The following ZC3H12B variants were observed in gnomAD, a reference collection of about 807,000 sequenced individuals.
ZC3H12B encodes the protein zinc finger CCCH-type containing 12B.
ZC3H12B carries 7 observed loss-of-function variants against 43.9 expected under a neutral mutation model. That is an observed-to-expected ratio of 0.16 (90% CI 0.09 to 0.30). The LOEUF is 0.30. Among genes scored for constraint, ZC3H12B ranks in the 10% least tolerant of loss-of-function variants. ZC3H12B has a pLI of 1.00. For missense variants in ZC3H12B, 475 were observed against 670.2 expected (o/e 0.71, Z 3.22); for synonymous variants, 222 against 241.7 (o/e 0.92, Z 0.76).
the ZC3H12B span, among the ~76,000 whole-genome samples, chrX:65,106,708 G>T: frequency 9.0e-6 from 1 of 111,066 alleles, no homozygotes; most frequent in African/African-American, 3.3e-5. Flanking sequence ...AAAAACACAT[G>T]GGAAGGACCA....
the ZC3H12B span, among the ~76,000 whole-genome samples, chrX:65,118,056 G>C: frequency 9.0e-6 from 1 of 111,453 alleles, no homozygotes; most frequent in Admixed American, 9.6e-5. Flanking sequence ...CTCTTTTTTG[G>C]TTCCATATGA....
chrX:65,260,947 A>T, the ZC3H12B span, among the ~76,000 whole-genome samples: 1 of 111,984 alleles, frequency 8.9e-6, no homozygotes, highest in Non-Finnish European at 1.9e-5. Context: ...AATGAATGAG[A>T]TAACTAATGT....
At chrX:65,086,847 A>G in the ZC3H12B span, among the ~76,000 whole-genome samples, 3 of 111,896 alleles carry the variant, frequency 2.7e-5, no homozygotes, top group Non-Finnish European at 5.6e-5. Context: ...TCATTCTTTG[A>G]CAACTCATGC....
chrX:65,276,165 T>C, the ZC3H12B span, among the ~76,000 whole-genome samples: 1 of 111,066 alleles, frequency 9.0e-6, no homozygotes, highest in Non-Finnish European at 1.9e-5. Flanking sequence ...GAAAAATGAA[T>C]AAAAAAGAAT....
intron 3 of ZC3H12B, among the ~76,000 whole-genome samples, chrX:65,440,476 G>T (rs1270900593): frequency 8.9e-6 from 1 of 112,255 alleles, no homozygotes. Flanking sequence ...TCTTTGAGCT[G>T]AAGTATAGGA....
At chrX:65,182,303 C>T in the ZC3H12B span, among the ~76,000 whole-genome samples, 16 of 110,419 alleles carry the variant, frequency 1.4e-4, no homozygotes, top group Middle Eastern at 4.6e-3. Flanking sequence ...CTAATGCATG[C>T]GTGGCTTAAA....
the ZC3H12B span, among the ~76,000 whole-genome samples, chrX:65,229,627 C>T: frequency 1.9e-5 from 2 of 105,934 alleles, no homozygotes; most frequent in Non-Finnish European, 3.9e-5. Flanking sequence ...ATTTTCGCAA[C>T]CTACTCATCT....
At chrX:65,212,393 A>T in the ZC3H12B span, among the ~76,000 whole-genome samples, 2 of 57,222 alleles carry the variant, frequency 3.5e-5, no homozygotes, top group Non-Finnish European at 5.6e-5. Context: ...ATGTAATATA[A>T]TTATATTTAT....
At chrX:65,066,920 G>A in the ZC3H12B span, among the ~76,000 whole-genome samples, 18 of 111,593 alleles carry the variant, frequency 1.6e-4, no homozygotes, top group Non-Finnish European at 3.0e-4. Context: ...TGAACTTCCT[G>A]GTGGCTCTGT....
At chrX:65,171,750 C>A in the ZC3H12B span, among the ~76,000 whole-genome samples, 1 of 110,757 alleles carries the variant, frequency 9.0e-6, no homozygotes, top group African/African-American at 3.3e-5. Context: ...GGTGGACGCC[C>A]CTCCCCCAGT....
the ZC3H12B span, among the ~76,000 whole-genome samples, chrX:65,351,479 A>G: frequency 2.3e-4 from 26 of 112,410 alleles, no homozygotes. Flanking sequence ...GATCTAATTA[A>G]ACTAAAGAGC....
At chrX:65,378,063 C>A (rs934259586) in intron 2 of ZC3H12B, among the ~76,000 whole-genome samples, 2 of 110,097 alleles carry the variant, frequency 1.8e-5, no homozygotes, top group African/African-American at 6.6e-5. Context: ...TGTGCCACTG[C>A]ACTCCCGCCT....
the ZC3H12B span, among the ~76,000 whole-genome samples, chrX:65,349,184 G>A: frequency 0.24 from 26,927 of 111,465 alleles, 7,713 homozygotes; most frequent in African/African-American, 0.83. Context: ...CCACAGTGCA[G>A]TCAAACTAGA....
the ZC3H12B span, among the ~76,000 whole-genome samples, chrX:65,297,577 G>A: frequency 2.9e-4 from 32 of 111,000 alleles, no homozygotes; most frequent in Non-Finnish European, 5.9e-4. Flanking sequence ...ACTGCCAAAA[G>A]CAATCTACAA....
the ZC3H12B span, among the ~76,000 whole-genome samples, chrX:65,166,213 G>A: frequency 1.8e-5 from 2 of 110,185 alleles, no homozygotes; most frequent in Non-Finnish European, 3.8e-5. Context: ...CCCCACGACA[G>A]GCCCCAGTGT....
intron 2 of ZC3H12B, among the ~76,000 whole-genome samples, chrX:65,394,991 A>G (rs1055227158): frequency 2.7e-5 from 3 of 111,349 alleles, no homozygotes; most frequent in Admixed American, 9.5e-5. Context: ...TGGGAGTTCA[A>G]TTATGACTTG....
the ZC3H12B span, among the ~76,000 whole-genome samples, chrX:65,349,388 AC>A: frequency 8.9e-6 from 1 of 112,287 alleles, no homozygotes; most frequent in African/African-American, 3.2e-5. Context: ...AGTTTATAGC[AC>A]TAAATGCCCA....
chrX:65,245,905 C>G, the ZC3H12B span, among the ~76,000 whole-genome samples: 1 of 109,578 alleles, frequency 9.1e-6, no homozygotes, highest in Non-Finnish European at 1.9e-5. Context: ...GCACATGTAC[C>G]CTAGAACTTA....
the ZC3H12B span, among the ~76,000 whole-genome samples, chrX:65,257,572 G>A: frequency 9.1e-6 from 1 of 110,246 alleles, no homozygotes. Flanking sequence ...TGCACATTGT[G>A]CACATGTACT....
Sources: allele counts gnomAD v4.1 joint callset (sites outside exome capture counted in the v4.1 genomes callset), GRCh38; gene constraint gnomAD v4.1.1; transcripts MANE v1.5; gene names NCBI Gene and HGNC (gene_info 2026-07-23, HGNC 2026-07-21).